Variants in DPP6 observed in about 807,000 individuals in gnomAD.
DPP6 encodes A-type potassium channel modulatory protein DPP6.
In DPP6, 69 loss-of-function variants were observed where a neutral mutation model predicts 122.6. That is an observed-to-expected ratio of 0.56 (90% CI 0.46 to 0.69). DPP6 has a LOEUF of 0.69. Among genes scored for constraint, DPP6 ranks in the 30% least tolerant of loss-of-function variants. The pLI is 0.00. For missense variants in DPP6, 928 were observed against 1,116.9 expected, an observed-to-expected ratio of 0.83 and a Z score of 2.41; for synonymous variants, 418 against 433.1, an observed-to-expected ratio of 0.97 and a Z score of 0.43.
intron 16 of DPP6, among the ~76,000 whole-genome samples, chr7:154,836,568 G>T (rs1377466424): frequency 6.6e-6 from 1 of 152,152 alleles, no homozygotes; most frequent in Non-Finnish European, 1.5e-5. Context: ...TTTCATTGTG[G>T]TGTTTTACAT....
intron 6 of DPP6, among the ~76,000 whole-genome samples, chr7:154,660,393 C>T (rs1208419625): frequency 6.7e-6 from 1 of 150,126 alleles, no homozygotes; most frequent in African/African-American, 2.5e-5. Context: ...ATCACCATGG[C>T]GTATTGGCCG....
At chr7:154,771,400 A>G (rs1245078415) in intron 9 of DPP6, among the ~76,000 whole-genome samples, 3 of 152,218 alleles carry the variant, frequency 2.0e-5, no homozygotes, top group Non-Finnish European at 2.9e-5. Flanking sequence ...CCTTCTCGCC[A>G]TGTCTTCACA....
the DPP6 span, among the ~76,000 whole-genome samples, chr7:153,811,104 G>A: frequency 6.6e-6 from 1 of 152,044 alleles, no homozygotes; most frequent in African/African-American, 2.4e-5. Flanking sequence ...TGACGGATGA[G>A]TCAGGGAGGC....
At position 154,607,964 on chromosome 7, in the gene DPP6, T is replaced by C. The variant is rs547275369; in HGVS notation, c.628-29857T>C. Among the ~76,000 whole-genome samples the C allele has an allele frequency of 5.9e-5, 7 of 118,206 alleles. 3 individuals carry two copies. The East Asian group carries it at 2.6e-3, about 43-fold the overall frequency. The allele number at this position is 118,206 out of a possible 152,430, so 77.5% of individuals were successfully genotyped here. A position where few individuals can be genotyped will look rare whatever the true frequency, so the allele number is the denominator to read the frequency against. ...AACTTGAACTATTCCTAAAATAATATTTAGTTTTTTCTTTTTTTTTTCTTT... is the reference window on the plus strand; with the variant it reads ...AACTTGAACTATTCCTAAAATAATACTTAGTTTTTTCTTTTTTTTTTCTTT... On this transcript the variant is annotated intron_variant, in intron 5 of 25. Coordinates refer to ENST00000377770, the MANE Select transcript of DPP6 (RefSeq NM_130797.4).
chr7:154,707,602 A>C lies in DPP6; in HGVS notation c.763-20165A>C, dbSNP rs149054939. ...GGTGTTTGTGGTGTTGATGATGATG[A>C]TGCTGAACTAAATGAGAATCATCAG... On this transcript the variant is annotated intron_variant, in intron 7 of 25. Transcript: ENST00000377770. Among the ~76,000 whole-genome samples the C allele has an allele frequency of 3.0e-3, 453 of 152,312 alleles. 5 individuals are homozygous for C. Among genetic ancestry groups the C allele is most frequent in the African/African-American group, 0.01 (433 of 41,574 alleles).
At chr7:154,501,693 G>A (rs552293487) in intron 3 of DPP6, among the ~76,000 whole-genome samples, 14 of 152,362 alleles carry the variant, frequency 9.2e-5, no homozygotes, top group Non-Finnish European at 1.3e-4. Context: ...GAAGTTTGCT[G>A]CAGGGGTGGG....
intron 12 of DPP6, among the ~76,000 whole-genome samples, chr7:154,797,567 A>G (rs546754815): frequency 6.6e-6 from 1 of 152,310 alleles, no homozygotes; most frequent in Admixed American, 6.5e-5. Context: ...GTACAATTCC[A>G]TCTATATAAA....
At chr7:154,685,845 C>G (rs963568541) in intron 7 of DPP6, among the ~76,000 whole-genome samples, 1 of 152,134 alleles carries the variant, frequency 6.6e-6, no homozygotes, top group Non-Finnish European at 1.5e-5. Flanking sequence ...TTTTCTTTTT[C>G]TTTGAATCCT....
At chr7:154,179,402 G>A (rs1470417112) in intron 1 of DPP6, among the ~76,000 whole-genome samples, 6 of 152,188 alleles carry the variant, frequency 3.9e-5, no homozygotes, top group African/African-American at 7.2e-5. Flanking sequence ...CATCAAATTA[G>A]AAAGTATGGG....
chr7:154,145,455 G>A (rs186638710), intron 1 of DPP6, among the ~76,000 whole-genome samples: 42 of 152,312 alleles, frequency 2.8e-4, no homozygotes, highest in African/African-American at 9.6e-4. Flanking sequence ...CAAACTCATG[G>A]GACCCTGAGC....
intron 10 of DPP6, among the ~76,000 whole-genome samples, chr7:154,777,382 C>T (rs1018788318): frequency 2.6e-5 from 4 of 152,232 alleles, no homozygotes; most frequent in African/African-American, 7.2e-5. Context: ...GAACTAAGAG[C>T]GGTGGGCCCA....
intron 1 of DPP6, among the ~76,000 whole-genome samples, chr7:154,078,676 G>T (rs1439811755): frequency 6.6e-6 from 1 of 151,928 alleles, no homozygotes; most frequent in Admixed American, 6.6e-5. Context: ...TTTTGTTGTT[G>T]TTAAAATATC....
chr7:154,183,121 T>G (rs1242425793), intron 1 of DPP6, among the ~76,000 whole-genome samples: 2 of 152,216 alleles, frequency 1.3e-5, no homozygotes, highest in Non-Finnish European at 2.9e-5. Context: ...AGTCCCCAGC[T>G]GGCTAGTGCT....
chr7:154,418,192 C>T (rs911473810), intron 1 of DPP6, among the ~76,000 whole-genome samples: 4 of 152,196 alleles, frequency 2.6e-5, no homozygotes, highest in African/African-American at 4.8e-5. Context: ...TCACTTTCTG[C>T]AGGAAGCCAA....
chr7:154,822,316 A>G (rs1230681740), intron 16 of DPP6, among the ~76,000 whole-genome samples: 1 of 152,158 alleles, frequency 6.6e-6, no homozygotes, highest in Non-Finnish European at 1.5e-5. Flanking sequence ...GCCCAAGGCC[A>G]AGGCAACTCG....
chr7:154,437,322 A>C (rs1268440692), intron 1 of DPP6, among the ~76,000 whole-genome samples: 2 of 152,208 alleles, frequency 1.3e-5, no homozygotes, highest in Non-Finnish European at 2.9e-5. Flanking sequence ...AAAATACTAC[A>C]GCTTTCTTTT....
chr7:154,859,293 C>T (rs970568722), intron 17 of DPP6, among the ~76,000 whole-genome samples: 8 of 152,224 alleles, frequency 5.3e-5, no homozygotes, highest in African/African-American at 1.2e-4. Flanking sequence ...GCCAGGAAAG[C>T]GGGGCCCATG....
rs1837357632 is a variant in DPP6 at position 154,657,691 on chromosome 7, CGTGGG to C, written c.681-11668_681-11664del. Among the ~76,000 whole-genome samples the C allele has an allele frequency of 2.3e-4, 15 of 65,894 alleles. 6 individuals carry two copies. The highest frequency in any genetic ancestry group is 1.6e-3 in the Admixed American group (9 of 5,504). 43.2% of individuals were successfully genotyped at this position (65,894 alleles called of 152,430 possible). A position where few individuals can be genotyped will look rare whatever the true frequency, so the allele number is the denominator to read the frequency against. Reference sequence around the variant, plus strand: ...TGCTCATGGGTGGGTGGAGAGGCTGCGTGGGAGGAGGTGCTCATAGGTGGGTGGAG... The same window carrying C: ...TGCTCATGGGTGGGTGGAGAGGCTGCAGGAGGTGCTCATAGGTGGGTGGAG... On this transcript the variant is annotated intron_variant, in intron 6 of 25. Transcript: ENST00000377770.
the DPP6 span, among the ~76,000 whole-genome samples, chr7:153,762,921 T>C: frequency 6.6e-6 from 1 of 152,220 alleles, no homozygotes; most frequent in Admixed American, 6.5e-5. Context: ...AGTTGAGCCA[T>C]GCCAATCAAA....
Sources: gnomAD v4.1 joint callset for allele counts (sites outside exome capture counted in the v4.1 genomes callset) on GRCh38, gnomAD v4.1.1 for gene constraint, MANE v1.5 for transcripts, NCBI Gene and HGNC (gene_info 2026-07-23, HGNC 2026-07-21) for gene names.